Variants in ADAM22 observed in about 807,000 individuals in gnomAD.
ADAM22 encodes disintegrin and metalloproteinase domain-containing protein 22.
ADAM22 carries 65 observed loss-of-function variants against 144.6 expected under a neutral mutation model. That is an observed-to-expected ratio of 0.45 (90% CI 0.37 to 0.55). ADAM22 has a LOEUF of 0.55. ADAM22 is among the 20% of genes least tolerant of loss of function. ADAM22 has a pLI of 0.00. For synonymous variants in ADAM22, 391 were observed against 412.6 expected, an observed-to-expected ratio of 0.95 and a Z score of 0.63; for missense variants, 974 against 1,184.9, an observed-to-expected ratio of 0.82 and a Z score of 2.61.
At chr7:87,983,715 T>C (rs1479909465) in intron 3 of ADAM22, among the ~76,000 whole-genome samples, 2 of 152,166 alleles carry the variant, frequency 1.3e-5, no homozygotes, top group Admixed American at 1.3e-4. Flanking sequence ...TATCTTTTTT[T>C]TTGTAATAAA....
At chr7:88,082,736 A>C in intron 4 of ADAM22, among the ~76,000 whole-genome samples, 1 of 152,180 alleles carries the variant, frequency 6.6e-6, no homozygotes, top group Non-Finnish European at 1.5e-5. Flanking sequence ...CACATGAAAA[A>C]ATGCTCACCA....
chr7:88,117,488 C>T (rs28521861), intron 7 of ADAM22, among the ~76,000 whole-genome samples: 14,050 of 152,224 alleles, frequency 0.092, 1,433 homozygotes, highest in African/African-American at 0.26. Flanking sequence ...CAAGTCTTCA[C>T]ATGACAGGAA....
At chr7:88,075,155 CCATTT>C (rs1465874074) in intron 3 of ADAM22, among the ~76,000 whole-genome samples, 1 of 152,120 alleles carries the variant, frequency 6.6e-6, no homozygotes, top group East Asian at 1.9e-4. Flanking sequence ...GGTATATATT[CCATTT>C]CATTTCTTTT....
chr7:87,978,248 A>T, intron 2 of ADAM22, 88 bp from the exon 3 acceptor site: 12 of 964,648 alleles, frequency 1.2e-5, no homozygotes, highest in Non-Finnish European at 1.9e-5. Flanking sequence ...ATGATATTGT[A>T]AGTGTTTTGA....
Position 87,948,444 on chromosome 7 carries a change from A to T in ADAM22, c.246+13258A>T, listed in dbSNP as rs145479052. ...GCTCCTCATTCATTCTCCTCTGTGG[A>T]TGTGGATTTTAATGTCCCTTCTGCC... On this transcript the variant is annotated intron_variant, in intron 2 of 31. Transcript: ENST00000413139. Among the ~76,000 whole-genome samples, 621 of 151,740 alleles carry T rather than the reference A, an allele frequency of 4.1e-3. 2 individuals are homozygous for T. The highest frequency in any genetic ancestry group is 0.014 in the African/African-American group (585 of 41,322).
intron 3 of ADAM22, among the ~76,000 whole-genome samples, chr7:88,062,399 A>T (rs1399734145): frequency 1.3e-5 from 2 of 152,216 alleles, no homozygotes; most frequent in Non-Finnish European, 2.9e-5. Flanking sequence ...AGCCTCTGCT[A>T]GCTTCAAACA....
At chr7:88,189,050 A>G (rs895061883) in intron 30 of ADAM22, among the ~76,000 whole-genome samples, 27 of 152,200 alleles carry the variant, frequency 1.8e-4, no homozygotes, top group Non-Finnish European at 3.4e-4. Flanking sequence ...TCCAGCATTT[A>G]AAATATAGTG....
chr7:88,106,787 T>A (rs1449409726), intron 4 of ADAM22, among the ~76,000 whole-genome samples: 1 of 152,196 alleles, frequency 6.6e-6, no homozygotes, highest in Non-Finnish European at 1.5e-5. Flanking sequence ...AGATTCTGCA[T>A]TTTTAACAAC....
At chr7:88,054,821 G>A (rs1465517926) in intron 3 of ADAM22, among the ~76,000 whole-genome samples, 1 of 152,004 alleles carries the variant, frequency 6.6e-6, no homozygotes, top group Non-Finnish European at 1.5e-5. Context: ...CTTAAATCCA[G>A]TCAGAATTTT....
At chr7:88,125,999 C>A (rs1448285028) in intron 8 of ADAM22, among the ~76,000 whole-genome samples, 3 of 151,848 alleles carry the variant, frequency 2.0e-5, no homozygotes, top group Non-Finnish European at 4.4e-5. Flanking sequence ...TGGTTTATAT[C>A]CTTGTATTTA....
chr7:88,039,360 T>A (rs1366034328), intron 3 of ADAM22, among the ~76,000 whole-genome samples: 1 of 148,170 alleles, frequency 6.7e-6, no homozygotes, highest in African/African-American at 2.5e-5. Context: ...GGAGAATCAC[T>A]TGAACCGGGA....
chr7:88,033,689 G>A (rs1356384336), intron 3 of ADAM22, among the ~76,000 whole-genome samples: 68 of 152,172 alleles, frequency 4.5e-4, no homozygotes, highest in Non-Finnish European at 7.3e-5. Flanking sequence ...TGGAGATCAG[G>A]ACCTGGAGTC....
intron 3 of ADAM22, among the ~76,000 whole-genome samples, chr7:88,046,009 T>C (rs751177997): frequency 2.6e-5 from 4 of 151,956 alleles, no homozygotes; most frequent in East Asian, 3.9e-4. Flanking sequence ...GTATTGCGAA[T>C]AGTGCTGTAA....
chr7:88,058,234 T>A (rs2282951), intron 3 of ADAM22, among the ~76,000 whole-genome samples: 2 of 151,918 alleles, frequency 1.3e-5, no homozygotes, highest in South Asian at 2.1e-4. Context: ...GGTGATGAGA[T>A]ACCTCAGAAA....
intron 2 of ADAM22, among the ~76,000 whole-genome samples, chr7:87,954,024 GC>G (rs1379391329): frequency 6.6e-6 from 1 of 151,854 alleles, no homozygotes; most frequent in African/African-American, 2.4e-5. Context: ...TTTATTTTGA[GC>G]CTGTGTGTGT....
chr7:88,153,373 A>G, intron 21 of ADAM22, 47 bp downstream of exon 21: 1 of 1,515,054 alleles, frequency 6.6e-7, no homozygotes, highest in African/African-American at 1.4e-5. Flanking sequence ...GTCAATTACA[A>G]GTGTACTTTT....
intron 3 of ADAM22, among the ~76,000 whole-genome samples, chr7:88,010,654 G>A (rs1196847349): frequency 6.6e-6 from 1 of 152,126 alleles, no homozygotes; most frequent in Non-Finnish European, 1.5e-5. Flanking sequence ...TGGGTGATGT[G>A]CCCACCTCAA....
chr7:88,141,483 GT>G (rs1834622213), intron 14 of ADAM22, among the ~76,000 whole-genome samples: 4 of 152,112 alleles, frequency 2.6e-5, no homozygotes, highest in Admixed American at 2.6e-4. Context: ...TAAATGGACA[GT>G]TTTTGCAGGC....
chr7:88,137,070 C>T (rs1332420504), intron 14 of ADAM22, among the ~76,000 whole-genome samples: 1 of 152,132 alleles, frequency 6.6e-6, no homozygotes, highest in Non-Finnish European at 1.5e-5. Context: ...TGGTTCCTAT[C>T]ATTCTCAAGT....
Sources: gnomAD v4.1 joint callset for allele counts (sites outside exome capture counted in the v4.1 genomes callset) on GRCh38, gnomAD v4.1.1 for gene constraint, MANE v1.5 for transcripts, NCBI Gene and HGNC (gene_info 2026-07-23, HGNC 2026-07-21) for gene names.